KRT8: variants seen among roughly 807,000 people sequenced by gnomAD.
The protein encoded by KRT8 is keratin, type II cytoskeletal 8.
A neutral mutation model predicts 43.0 loss-of-function variants in KRT8; 24 were observed. The observed-to-expected ratio is 0.56, with a 90% CI of 0.40 to 0.78. The LOEUF is 0.78. Ranked by LOEUF, KRT8 falls within the 30% of genes least tolerant of loss-of-function variation. The pLI is 0.00. For missense variants in KRT8, 492 were observed against 638.4 expected (o/e 0.77, Z 2.47); for synonymous variants, 214 against 261.2 (o/e 0.82, Z 1.74).
At chr12:52,916,131 G>A (rs902631994) in intron 2 of KRT8, among the ~76,000 whole-genome samples, 5 of 152,158 alleles carry the variant, frequency 3.3e-5, no homozygotes, top group Admixed American at 6.5e-5. Context: ...GGGTTTCAGA[G>A]GCCAGACAGA....
At chr12:52,914,237 C>G (rs1333641644) in intron 2 of KRT8, among the ~76,000 whole-genome samples, 1 of 147,912 alleles carries the variant, frequency 6.8e-6, no homozygotes, top group South Asian at 2.2e-4. Flanking sequence ...ATAAAACAAA[C>G]AAAACAAAAA....
At chr12:52,930,351 G>A (rs2120694178) in intron 2 of KRT8, among the ~76,000 whole-genome samples, 1 of 152,198 alleles carries the variant, frequency 6.6e-6, no homozygotes, top group East Asian at 1.9e-4. Flanking sequence ...CTGAGTAGCT[G>A]GGAAGCTGGG....
intron 2 of KRT8, among the ~76,000 whole-genome samples, chr12:52,931,633 T>C (rs2120698272): frequency 6.6e-6 from 1 of 151,288 alleles, no homozygotes; most frequent in South Asian, 2.1e-4. Context: ...CACCTCTTCC[T>C]TTCTCCACTA....
intron 5 of KRT8, 51 bp from the exon 6 acceptor site, chr12:52,898,950 C>T (rs1184992204): frequency 6.6e-7 from 1 of 1,522,438 alleles, no homozygotes; most frequent in Non-Finnish European, 9.0e-7. Flanking sequence ...GCCTTCTCTT[C>T]TCCCGTGCTC....
intron 1 of KRT8, among the ~76,000 whole-genome samples, chr12:52,903,959 C>A (rs1455889975): frequency 1.3e-5 from 2 of 150,706 alleles, no homozygotes; most frequent in Non-Finnish European, 3.0e-5. Flanking sequence ...CCCCTCACCC[C>A]GCCCTCGGCC....
chr12:52,910,026 C>A (rs1941601968), upstream of KRT8, among the ~76,000 whole-genome samples: 1 of 152,212 alleles, frequency 6.6e-6, no homozygotes, highest in South Asian at 2.1e-4. Context: ...TCTGCCTCAG[C>A]CTCCCAAAGT....
intron 2 of KRT8, among the ~76,000 whole-genome samples, chr12:52,925,369 A>T (rs1363494523): frequency 1.3e-5 from 2 of 152,124 alleles, no homozygotes; most frequent in Non-Finnish European, 2.9e-5. Flanking sequence ...GGAGGCTGGG[A>T]GAGACTGTGG....
At chr12:52,947,489 A>G (rs1175425759) in intron 2 of KRT8, 1 of 151,798 alleles carries the variant, frequency 6.6e-6, no homozygotes, top group African/African-American at 2.4e-5. Flanking sequence ...TTATTTATTT[A>G]TTTATTTTGA....
intron 2 of KRT8, chr12:52,947,995 T>G (rs1039373493): frequency 2.0e-5 from 3 of 152,116 alleles, no homozygotes; most frequent in Non-Finnish European, 2.9e-5. Flanking sequence ...ATTTGTTTAA[T>G]TAAGGATGCA....
chr12:52,897,453 T>G (rs1941237643), exon 8 of KRT8: 7 of 1,599,588 alleles, frequency 4.4e-6, no homozygotes, highest in Non-Finnish European at 5.9e-6. Flanking sequence ...GTCAGAGGAC[T>G]CAGACACCAG....
chr12:52,923,767 C>G (rs1024919151), intron 2 of KRT8, among the ~76,000 whole-genome samples: 2 of 151,856 alleles, frequency 1.3e-5, no homozygotes, highest in African/African-American at 4.8e-5. Context: ...ATTAAAATTA[C>G]CTGTATTATT....
chr12:52,934,993 T>C (rs962921058), intron 2 of KRT8, among the ~76,000 whole-genome samples: 10 of 150,716 alleles, frequency 6.6e-5, no homozygotes, highest in African/African-American at 2.4e-4. Context: ...TAGATACATC[T>C]ATGGAACATA....
chr12:52,941,344 T>A (rs1169168867), intron 2 of KRT8, among the ~76,000 whole-genome samples: 1 of 152,116 alleles, frequency 6.6e-6, no homozygotes, highest in Non-Finnish European at 1.5e-5. Flanking sequence ...AGGGATAATA[T>A]CCACCAGCAG....
intron 2 of KRT8, among the ~76,000 whole-genome samples, chr12:52,937,454 G>A (rs1488353258): frequency 6.6e-6 from 1 of 151,840 alleles, no homozygotes; most frequent in East Asian, 1.9e-4. Flanking sequence ...TTGGGAGGCT[G>A]AGGCGGGAGT....
At position 52,949,179 on chromosome 12, in the gene KRT8, C is replaced by T. The variant is rs141170056; in HGVS notation, c.-47+277G>A. 2.6e-4 allele frequency: 413 copies of T among 1,611,574 alleles called. 3 individuals carry two copies. The South Asian group carries it at 4.2e-3, about 16-fold the overall frequency. On this transcript the variant is annotated intron_variant, in intron 2 of 6. Transcript: ENST00000546826. ...TTTCTCTCTCCCCGGACAGCATGAG[C>T]TTCACCACTCGCTCCACCTTCTCCA...
At chr12:52,898,723 G>A (rs369094561) in exon 6 of KRT8, 16 of 1,614,122 alleles carry the variant, frequency 9.9e-6, no homozygotes, top group African/African-American at 4.0e-5. Context: ...TGGCGATCTC[G>A]ATGTCCAGGG....
chr12:52,940,090 A>T (rs887516701), intron 2 of KRT8, among the ~76,000 whole-genome samples: 1 of 152,182 alleles, frequency 6.6e-6, no homozygotes, highest in South Asian at 2.1e-4. Flanking sequence ...GCAATAACAT[A>T]GATGAATCAC....
intron 2 of KRT8, among the ~76,000 whole-genome samples, chr12:52,918,205 C>CAAGAAGAAG (rs371624304): frequency 0.015 from 1,693 of 116,580 alleles, 69 homozygotes; most frequent in Non-Finnish European, 0.017. Context: ...AGAAGAAGAA[C>CAAGAAGAAG]AAGAAGAAGA....
In KRT8 at chr12:52,925,279, A is replaced by G. The variant is rs537305210; in HGVS notation, c.-46-20252T>C. ...GTCTCCCCAGGGTGAGCCTGTCCAG[A>G]GCCATAAACCTTATCTCCTTCCTCT... On this transcript the variant is annotated intron_variant, in intron 2 of 6. Coordinates refer to the KRT8 transcript ENST00000546826. Among the ~76,000 whole-genome samples the G allele has an allele frequency of 2.0e-5, 3 of 152,234 alleles. No individual in the cohort carries two copies. In the East Asian group the frequency reaches 5.8e-4, roughly 29 times the overall value.
Sources: allele counts gnomAD v4.1 joint callset (sites outside exome capture counted in the v4.1 genomes callset), GRCh38; gene constraint gnomAD v4.1.1; transcripts MANE v1.5; gene names NCBI Gene and HGNC (gene_info 2026-07-23, HGNC 2026-07-21).